LRRC15: variants seen among roughly 807,000 people sequenced by gnomAD.
LRRC15 encodes leucine-rich repeat-containing protein 15.
In LRRC15, 5 loss-of-function variants were observed where a neutral mutation model predicts 4.3. That is an observed-to-expected ratio of 1.16 (90% CI 0.61 to 2.44). The LOEUF (loss-of-function observed/expected upper bound fraction) is 2.44, where lower values mean the gene tolerates loss of function less well. Ranked by LOEUF, LRRC15 falls within the 30% of genes most tolerant of loss-of-function variation. LRRC15 has a pLI of 0.01. For synonymous variants in LRRC15, 337 were observed against 323.2 expected (o/e 1.04, Z -0.46); for missense variants, 769 against 747.0 (o/e 1.03, Z -0.34).
chr3:194,368,378 G>A (rs1016487292), intron 1 of LRRC15, among the ~76,000 whole-genome samples: 1 of 152,010 alleles, frequency 6.6e-6, no homozygotes, highest in African/African-American at 2.4e-5. Flanking sequence ...AACCTTCCAT[G>A]ACCTGACTGT....
Position 194,358,779 on chromosome 3 carries a change from C to A in LRRC15, c.*519G>T. The A allele has an allele frequency of 6.5e-6, 1 of 154,012 alleles. No homozygotes were observed. 9.5% of individuals were successfully genotyped at this position (154,012 alleles called of 1,614,324 possible). A position where few individuals can be genotyped will look rare whatever the true frequency, so the allele number is the denominator to read the frequency against. On this transcript the variant is annotated 3_prime_UTR_variant, in exon 2 of 2. Transcript: ENST00000347624. ...AGAGAACTCACCCTGCCTTCAGGAG[C>A]AGAAAATCAAGGGGAGAACTTTCAT...
In LRRC15 at chr3:194,360,772, C is replaced by G. The variant is rs139188943; in HGVS notation, c.272G>C (p.Arg91Pro). ...GTTTCGGAAGGCCCCAGGCGTGATG[C>G]GCGACAGCTCATTCTTCTCAATCCT... ...ALRIEKNELS[R>P]ITPGAFRNLG... The change falls in exon 2 of 2, where the codon CGC (arginine) becomes CCC (proline). Residue 91 changes from arginine (R) to proline (P), a missense_variant. By Grantham distance (103) the Arg-to-Pro change is moderately radical. Transcript: ENST00000347624. 199 of 1,614,078 alleles carry G rather than the reference C, an allele frequency of 1.2e-4. No individual in the cohort carries two copies. The highest frequency in any genetic ancestry group is 1.6e-4 in the Non-Finnish European group (190 of 1,180,046).
In LRRC15 at chr3:194,359,224, G is replaced by A; in HGVS notation, c.*74C>T. On this transcript the variant is annotated 3_prime_UTR_variant, in exon 2 of 2. Coordinates refer to ENST00000347624, the MANE Select transcript of LRRC15 (RefSeq NM_130830.5). The stretch of plus-strand genomic sequence containing the variant: ...TCACGGGAAAGCTCCATGGACCCAG[G>A]GGTGGAGGCAGAAAGATGAAATTCC... 1 of 1,380,412 alleles carries A rather than the reference G, an allele frequency of 7.2e-7. No homozygotes were observed. Among genetic ancestry groups the A allele is most frequent in the Non-Finnish European group, 9.9e-7 (1 of 1,014,898 alleles). 85.5% of individuals were successfully genotyped at this position (1,380,412 alleles called of 1,614,324 possible).
chr3:194,362,429 C>T (rs1164042769), intron 1 of LRRC15, among the ~76,000 whole-genome samples: 1 of 152,130 alleles, frequency 6.6e-6, no homozygotes, highest in Non-Finnish European at 1.5e-5. Context: ...GTCAGGAGGG[C>T]TTCAAAGTGC....
rs771171682 is a variant in LRRC15, at chr3:194,359,597, T to G, written c.1447A>C (p.Ser483Arg). The change falls in exon 2 of 2, where the codon AGT becomes CGT. Residue 483 changes from serine (S) to arginine (R), a missense_variant. By Grantham distance (110) the Ser-to-Arg change is moderately radical. Coordinates refer to ENST00000347624, the MANE Select transcript of LRRC15 (RefSeq NM_130830.5). ...GGGTACCATGGTGTTTCTGGGTAAC[T>G]AGGCACCTCGGGGACATGGACGCTT... ...VPSVHVPEVP[S>R]YPETPWYPDT... 1.2e-6 allele frequency: 2 copies of G among 1,613,682 alleles called. No homozygotes were observed. Among genetic ancestry groups the G allele is most frequent in the Admixed American group, 1.7e-5 (1 of 59,914 alleles).
In LRRC15 at chr3:194,360,277, TG is replaced by T; in HGVS notation, c.766del (p.His256ThrfsTer26). ...GACGCTGGGTGGCAGCTGGGAGATG[TG>T]GTTGTTGGACAGGTAGAGTCTCTGG... ...NLQRLYLSNNHISQLPPSVFM... is the reference protein window; with the variant it reads ...NLQRLYLSNNXISQLPPSVFM... On this transcript the variant is annotated frameshift_variant, in exon 2 of 2. Transcript: ENST00000347624. LOFTEE classifies it low-confidence loss of function (END_TRUNC). 6.2e-7 allele frequency: 1 copy of T among 1,613,970 alleles called. No homozygotes were observed. Among genetic ancestry groups the T allele is most frequent in the Non-Finnish European group, 8.5e-7 (1 of 1,179,948 alleles).
rs1379385657 is a variant in LRRC15 at position 194,360,464 on chromosome 3, G to A, written c.580C>T (p.Gln194Ter). The change falls in exon 2 of 2, where the codon CAG becomes TAG. Residue 194 changes from glutamine (Q) to a stop codon, truncating the protein, a stop_gained. Transcript: ENST00000347624. LOFTEE classifies it low-confidence loss of function (END_TRUNC). ...AGGACCTGGAGGTTGCCCAGGTGCTGGAAGACCCTGGGTGAGATGTGGGTG... is the reference window on the plus strand; with the variant it reads ...AGGACCTGGAGGTTGCCCAGGTGCTAGAAGACCCTGGGTGAGATGTGGGTG... ...SLTHISPRVFQHLGNLQVLRL... is the reference protein window; with the variant it reads ...SLTHISPRVF The A allele has an allele frequency of 1.9e-6, 3 of 1,614,012 alleles. No homozygotes were observed. Among genetic ancestry groups the A allele is most frequent in the Non-Finnish European group, 2.5e-6 (3 of 1,180,010 alleles).
chr3:194,359,179 T>A lies in LRRC15; in HGVS notation c.*119A>T. 1.0e-6 allele frequency: 1 copy of A among 975,394 alleles called. No individual in the cohort carries two copies. Among genetic ancestry groups the A allele is most frequent in the Non-Finnish European group, 1.5e-6 (1 of 666,950 alleles). The allele number at this position is 975,394 out of a possible 1,614,324, so 60.4% of individuals were successfully genotyped here. On this transcript the variant is annotated 3_prime_UTR_variant, in exon 2 of 2. Transcript: ENST00000347624. ...TCAGGAAGAGGTAGGCTCACCTTTCTCTGGGGCCAGAAAGAGCAATCACGG... is the reference window on the plus strand; with the variant it reads ...TCAGGAAGAGGTAGGCTCACCTTTCACTGGGGCCAGAAAGAGCAATCACGG...
In LRRC15 at chr3:194,356,656, T is replaced by C. The variant is rs562146975; in HGVS notation, c.*2642A>G. On this transcript the variant is annotated 3_prime_UTR_variant, in exon 2 of 2. Coordinates refer to ENST00000347624, the MANE Select transcript of LRRC15 (RefSeq NM_130830.5). ...CCTGGGTGGTGTCATCTGAGGACAGTGGCCCTCAGGTCAGCCTCTGGCTGG... is the reference window on the plus strand; with the variant it reads ...CCTGGGTGGTGTCATCTGAGGACAGCGGCCCTCAGGTCAGCCTCTGGCTGG... 3.3e-5 allele frequency: 5 copies of C among 152,420 alleles called. No homozygotes were observed. The highest frequency in any genetic ancestry group is 9.6e-5 in the African/African-American group (4 of 41,588). 9.4% of individuals were successfully genotyped at this position (152,420 alleles called of 1,614,324 possible). A position where few individuals can be genotyped will look rare whatever the true frequency, so the allele number is the denominator to read the frequency against.
rs1713552917 is a variant in LRRC15, at chr3:194,359,878, T to C, written c.1166A>G (p.Asn389Ser). ...QLPGNIFANV[N>S]GLMAIQLQNN... ...CTGCAGCTGGATGGCCATGAGGCCA[T>C]TGACGTTGGCGAAGATATTCCCTGG... Residue 389 changes from asparagine (N) to serine (S), a missense_variant, in exon 2 of 2, where the codon AAT becomes AGT. Transcript: ENST00000347624. The C allele has an allele frequency of 1.9e-6, 3 of 1,614,042 alleles. No individual in the cohort carries two copies. Among genetic ancestry groups the C allele is most frequent in the African/African-American group, 1.3e-5 (1 of 74,920 alleles).
Position 194,360,805 on chromosome 3 carries a change from A to T in LRRC15, c.239T>A (p.Ile80Asn). The T allele has an allele frequency of 6.2e-7, 1 of 1,614,216 alleles. No individual in the cohort carries two copies. The highest frequency in any genetic ancestry group is 2.2e-5 in the East Asian group (1 of 44,872). ...CTCATTCTTCTCAATCCTCAGGGCG[A>T]TGAGGGCTGAGATATTGAGGAACGG... Reference protein sequence around the residue: ...ESPFLNISALIALRIEKNELS... With the variant: ...ESPFLNISALNALRIEKNELS... The change falls in exon 2 of 2, where the codon ATC becomes AAC. Residue 80 changes from isoleucine to asparagine, a missense_variant. Coordinates refer to ENST00000347624, the MANE Select transcript of LRRC15 (RefSeq NM_130830.5).
chr3:194,364,064 A>G (rs528012181), intron 1 of LRRC15, among the ~76,000 whole-genome samples: 123 of 152,256 alleles, frequency 8.1e-4, no homozygotes, highest in African/African-American at 2.7e-3. Context: ...GAGTAAGCTC[A>G]CTGTCACTGG....
Position 194,360,369 on chromosome 3 carries a change from T to C in LRRC15, c.675A>G (p.Glu225=). The part of the protein sequence containing the change: ...GTFDGLVNLQ[E]LALQQNQIGL... ...CAATCTGGTTCTGCTGCAGAGCCAG[T>C]TCCTGCAGGTTAACAAGCCCATCAA... is the stretch of plus-strand genomic sequence containing the variant. Residue 225 remains glutamate (E), a synonymous_variant, in exon 2 of 2, where the codon GAA becomes GAG. Transcript: ENST00000347624. 3 of 1,614,066 alleles carry C rather than the reference T, an allele frequency of 1.9e-6. No homozygotes were observed. Among genetic ancestry groups the C allele is most frequent in the Non-Finnish European group, 2.5e-6 (3 of 1,179,990 alleles).
At chr3:194,361,150 C>T in intron 1 of LRRC15, 104 bp from the exon 2 acceptor site, 2 of 984,374 alleles carry the variant, frequency 2.0e-6, no homozygotes, top group Non-Finnish European at 2.9e-6. Flanking sequence ...TGGCTTTGAA[C>T]CCCATCATCA....
chr3:194,364,299 C>T (rs1193239225), intron 1 of LRRC15, among the ~76,000 whole-genome samples: 1 of 152,092 alleles, frequency 6.6e-6, no homozygotes, highest in Non-Finnish European at 1.5e-5. Context: ...ATTTGCCCAT[C>T]TCTTTGGTGT....
At chr3:194,361,210 T>G (rs1166004523) in intron 1 of LRRC15, among the ~76,000 whole-genome samples, 164 bp from the exon 2 acceptor site, 1 of 152,256 alleles carries the variant, frequency 6.6e-6, no homozygotes, top group Non-Finnish European at 1.5e-5. Flanking sequence ...CTCTGCACCT[T>G]TGCCCTGCCT....
chr3:194,359,112 A>G lies in LRRC15; in HGVS notation c.*186T>C, dbSNP rs887291554. ...TGGATCTATCTTCCTGATTGTAGGA[A>G]GGTCCGGCACGACCTGCTTCTCTAC... On this transcript the variant is annotated 3_prime_UTR_variant, in exon 2 of 2. Transcript: ENST00000347624. The G allele has an allele frequency of 1.3e-5, 7 of 541,100 alleles. No homozygotes were observed. In the African/African-American group the frequency reaches 1.3e-4, roughly 10 times the overall value. The allele number at this position is 541,100 out of a possible 1,614,324, so 33.5% of individuals were successfully genotyped here. A position where few individuals can be genotyped will look rare whatever the true frequency, so the allele number is the denominator to read the frequency against.
In LRRC15 at chr3:194,359,265, C is replaced by A; in HGVS notation, c.*33G>T. On this transcript the variant is annotated 3_prime_UTR_variant, in exon 2 of 2. Coordinates refer to ENST00000347624, the MANE Select transcript of LRRC15 (RefSeq NM_130830.5). ...ATGAAATTCCCAGGTCCTCCAGTCC[C>A]ATCATTCCCCAGCCCTGCTCCAGCC... 6.6e-7 allele frequency: 1 copy of A among 1,513,290 alleles called. No homozygotes were observed. The highest frequency in any genetic ancestry group is 1.3e-5 in the South Asian group (1 of 74,958). 93.7% of individuals were successfully genotyped at this position (1,513,290 alleles called of 1,614,324 possible).
rs1289675129 is a variant in LRRC15 at position 194,358,623 on chromosome 3, CT to C, written c.*674del. 1 of 152,626 alleles carries C rather than the reference CT, an allele frequency of 6.6e-6. No individual in the cohort carries two copies. The highest frequency in any genetic ancestry group is 1.5e-5 in the Non-Finnish European group (1 of 68,034). 9.5% of individuals were successfully genotyped at this position (152,626 alleles called of 1,614,324 possible). On this transcript the variant is annotated 3_prime_UTR_variant, in exon 2 of 2. Coordinates refer to ENST00000347624, the MANE Select transcript of LRRC15 (RefSeq NM_130830.5). The stretch of plus-strand genomic sequence containing the variant: ...CCAGATAAAAATCACAAGTGAGACA[CT>C]GATGACGGCTCTTCTGTCTCCAGGA...
Sources: allele counts gnomAD v4.1 joint callset (sites outside exome capture counted in the v4.1 genomes callset), GRCh38; gene constraint gnomAD v4.1.1; transcripts MANE v1.5; gene names NCBI Gene and HGNC (gene_info 2026-07-23, HGNC 2026-07-21).